Variants in CLIC4 observed in about 807,000 individuals in gnomAD.
CLIC4 encodes the protein CLIC family member 4, also known as chloride intracellular channel protein 4.
In CLIC4, 13 loss-of-function variants were observed where a neutral mutation model predicts 24.6. The ratio of observed to expected loss-of-function variants is 0.53; its 90% CI spans 0.34 to 0.84. CLIC4 has a LOEUF of 0.84. CLIC4 is among the 40% of genes least tolerant of loss of function. The probability of loss-of-function intolerance (pLI) is 0.01; values close to 1 mark genes in which losing one functional copy is unlikely to be tolerated. For missense variants in CLIC4, 227 were observed against 301.7 expected (o/e 0.75, Z 1.83); for synonymous variants, 104 against 111.3 (o/e 0.93, Z 0.41).
chr1:24,839,164 A>G (rs1422204920), intron 4 of CLIC4, among the ~76,000 whole-genome samples: 4 of 152,228 alleles, frequency 2.6e-5, no homozygotes, highest in Non-Finnish European at 5.9e-5. Context: ...GGAATTAAAA[A>G]TGAGGGCAAA....
intron 4 of CLIC4, among the ~76,000 whole-genome samples, chr1:24,839,409 C>T (rs1156811735): frequency 3.3e-5 from 5 of 152,180 alleles, no homozygotes; most frequent in East Asian, 1.9e-4. Context: ...ACGCCATTCT[C>T]CTGCCTCAGC....
chr1:24,817,414 C>T (rs879381021), intron 3 of CLIC4, among the ~76,000 whole-genome samples: 1 of 152,212 alleles, frequency 6.6e-6, no homozygotes, highest in Non-Finnish European at 1.5e-5. Context: ...TTAAACCTCA[C>T]GAACCAACCT....
intron 2 of CLIC4, among the ~76,000 whole-genome samples, chr1:24,810,071 T>G (rs1016007154): frequency 6.6e-6 from 1 of 152,220 alleles, no homozygotes; most frequent in African/African-American, 2.4e-5. Flanking sequence ...CTGAAATGTT[T>G]TAAAGTAAAT....
At chr1:24,837,910 C>T (rs1639901689) in intron 4 of CLIC4, among the ~76,000 whole-genome samples, 1 of 152,160 alleles carries the variant, frequency 6.6e-6, no homozygotes, top group South Asian at 2.1e-4. Flanking sequence ...TCTCTAGGCC[C>T]TCTGCTTCTC....
At chr1:24,798,469 T>A (rs1202996152) in intron 2 of CLIC4, among the ~76,000 whole-genome samples, 1 of 152,190 alleles carries the variant, frequency 6.6e-6, no homozygotes, top group African/African-American at 2.4e-5. Context: ...TGGCTTATTT[T>A]CCATAGTGGA....
At chr1:24,794,531 TG>T (rs1233071310) in intron 1 of CLIC4, among the ~76,000 whole-genome samples, 1 of 152,156 alleles carries the variant, frequency 6.6e-6, no homozygotes, top group Admixed American at 6.5e-5. Context: ...CACATTTTAA[TG>T]GGGTTGTTTT....
At chr1:24,838,616 A>G (rs995313341) in intron 4 of CLIC4, among the ~76,000 whole-genome samples, 1 of 152,310 alleles carries the variant, frequency 6.6e-6, no homozygotes, top group African/African-American at 2.4e-5. Context: ...CATGATATTT[A>G]ACTTTCTTTT....
chr1:24,811,860 T>G (rs1234887468), intron 2 of CLIC4, among the ~76,000 whole-genome samples: 2 of 152,202 alleles, frequency 1.3e-5, no homozygotes, highest in Non-Finnish European at 2.9e-5. Flanking sequence ...ACACCATATC[T>G]GGTCATCTCA....
intron 1 of CLIC4, among the ~76,000 whole-genome samples, chr1:24,781,975 A>G (rs1457657526): frequency 2.0e-5 from 3 of 152,050 alleles, no homozygotes; most frequent in East Asian, 1.9e-4. Context: ...TTTAAAGACT[A>G]TTGTACGCTT....
chr1:24,770,314 A>G (rs1240280368), intron 1 of CLIC4, among the ~76,000 whole-genome samples: 1 of 152,032 alleles, frequency 6.6e-6, no homozygotes, highest in Non-Finnish European at 1.5e-5. Flanking sequence ...GTAGAAAAAA[A>G]AAAAAAAGGC....
intron 1 of CLIC4, among the ~76,000 whole-genome samples, chr1:24,756,583 A>G (rs1387565095): frequency 6.6e-6 from 1 of 152,214 alleles, no homozygotes; most frequent in African/African-American, 2.4e-5. Flanking sequence ...AATGTCAATC[A>G]CTTGTAATAA....
Position 24,797,748 on chromosome 1 carries a change from AG to A in CLIC4, c.80del (p.Ser27MetfsTer6). 6.2e-7 allele frequency: 1 copy of A among 1,608,146 alleles called. No homozygotes were observed. Among genetic ancestry groups the A allele is most frequent in the Non-Finnish European group, 8.5e-7 (1 of 1,177,484 alleles). ...PLIELFVKAG[S>X]DGESIGNCPF... is the part of the protein sequence containing the mutation. ...GTTTAATTCTGTTTTCCAGGCTGGC[AG>A]TGATGGTGAAAGCATAGGAAACTGC... On this transcript the variant is annotated frameshift_variant, in exon 2 of 6. Transcript: ENST00000374379. LOFTEE classifies it high-confidence loss of function.
chr1:24,814,252 T>C (rs1245182936), intron 3 of CLIC4, 33 bp downstream of exon 3: 1 of 1,597,556 alleles, frequency 6.3e-7, no homozygotes, highest in African/African-American at 1.4e-5. Context: ...ATGAAAATAT[T>C]GTCACTTCTT....
At chr1:24,762,098 C>A (rs560954411) in intron 1 of CLIC4, among the ~76,000 whole-genome samples, 2 of 152,012 alleles carry the variant, frequency 1.3e-5, no homozygotes, top group African/African-American at 2.4e-5. Context: ...ATATGACATA[C>A]ACACACACAT....
chr1:24,754,037 GA>G (rs1312378492), intron 1 of CLIC4, among the ~76,000 whole-genome samples: 2 of 152,170 alleles, frequency 1.3e-5, no homozygotes, highest in Non-Finnish European at 2.9e-5. Flanking sequence ...TTTCCGGGGG[GA>G]AAATTCAGGA....
chr1:24,793,890 T>G (rs989244811), intron 1 of CLIC4, among the ~76,000 whole-genome samples: 1 of 152,208 alleles, frequency 6.6e-6, no homozygotes, highest in African/African-American at 2.4e-5. Context: ...TGCTTCTGAA[T>G]TTTTTGAGAG....
intron 3 of CLIC4, among the ~76,000 whole-genome samples, chr1:24,821,055 A>C (rs892558900): frequency 6.6e-6 from 1 of 152,068 alleles, no homozygotes; most frequent in African/African-American, 2.4e-5. Context: ...TATGGTGGCA[A>C]GTGCCTGTAG....
At position 24,797,153 on chromosome 1, in the gene CLIC4, C is replaced by T. The variant is rs987240360; in HGVS notation, c.73-589C>T. On this transcript the variant is annotated intron_variant, in intron 1 of 5. Transcript: ENST00000374379. ...ATTTTTAGTAGAGATGGGGTTTCAC[C>T]ATATTGGCCAGGCTGGTCTCAAACT... 3.4e-4 allele frequency among the ~76,000 whole-genome samples: 51 copies of T among 151,206 alleles called. 1 individual carries two copies. The highest frequency in any genetic ancestry group is 6.1e-4 in the Non-Finnish European group (41 of 67,722).
At chr1:24,829,702 G>A (rs1639821005) in intron 4 of CLIC4, among the ~76,000 whole-genome samples, 1 of 152,100 alleles carries the variant, frequency 6.6e-6, no homozygotes, top group African/African-American at 2.4e-5. Flanking sequence ...ATTTCATGAT[G>A]TCCAAATTCC....
Sources: allele counts gnomAD v4.1 joint callset (sites outside exome capture counted in the v4.1 genomes callset), GRCh38; gene constraint gnomAD v4.1.1; transcripts MANE v1.5; gene names NCBI Gene and HGNC (gene_info 2026-07-23, HGNC 2026-07-21).